Variants in SVOP observed in about 807,000 individuals in gnomAD.
SVOP encodes SV2 related protein.
A neutral mutation model predicts 69.1 loss-of-function variants in SVOP; 17 were observed. That is an observed-to-expected ratio of 0.25 (90% confidence interval 0.17 to 0.37). The LOEUF (loss-of-function observed/expected upper bound fraction) is 0.37, where lower values mean the gene tolerates loss of function less well. Ranked by LOEUF, SVOP falls within the 10% of genes least tolerant of loss-of-function variation. The pLI, the probability that SVOP is intolerant of heterozygous loss-of-function variation, is 1.00. For synonymous variants in SVOP, 238 were observed against 238.6 expected (o/e 1.00, Z 0.02); for missense variants, 435 against 597.5 (o/e 0.73, Z 2.84).
intron 1 of SVOP, among the ~76,000 whole-genome samples, chr12:109,006,311 C>T (rs180697623): frequency 6.6e-6 from 1 of 152,266 alleles, no homozygotes; most frequent in African/African-American, 2.4e-5. Flanking sequence ...CCTGGGCCTC[C>T]CAAAGTGCTG....
chr12:109,004,668 C>A (rs1352060038), intron 1 of SVOP, among the ~76,000 whole-genome samples: 1 of 151,714 alleles, frequency 6.6e-6, no homozygotes, highest in East Asian at 1.9e-4. Context: ...GTTGGGATTA[C>A]AGGTGTTAGC....
chr12:108,918,223 CA>C lies in SVOP; in HGVS notation c.1269-100del. 6.8e-6 allele frequency: 6 copies of C among 878,344 alleles called. No individual in the cohort carries two copies. In the South Asian group the frequency reaches 1.2e-4, roughly 17 times the overall value. The allele number at this position is 878,344 out of a possible 1,614,324, so 54.4% of individuals were successfully genotyped here. A position where few individuals can be genotyped will look rare whatever the true frequency, so the allele number is the denominator to read the frequency against. The stretch of plus-strand genomic sequence containing the variant: ...GCAGTATCAATGCCCTAGCAATTGG[CA>C]AAGGTTACCCCTCCCCGATGCTCAT... On this transcript the variant is annotated intron_variant, in intron 13 of 15. Transcript: ENST00000610966.
chr12:108,996,833 A>G (rs2040235360), intron 1 of SVOP, among the ~76,000 whole-genome samples: 1 of 151,808 alleles, frequency 6.6e-6, no homozygotes, highest in African/African-American at 2.4e-5. Context: ...TCAGGAGGCT[A>G]AAGTGGGAGA....
chr12:108,940,850 G>T lies in SVOP; in HGVS notation c.702C>A (p.Ser234Arg), dbSNP rs377486550. ...GGATGAGCAGCCAACGCCAGCCCAG[G>T]CTGGGCATCACGAACACAGCCAGGA... ...EVVLAVFVMP[S>R]LGWRWLLILS... Residue 234 changes from serine (S) to arginine (R), a missense_variant, in exon 8 of 16, where the codon AGC (serine) becomes AGA (arginine). Coordinates refer to ENST00000610966, the MANE Select transcript of SVOP (RefSeq NM_018711.5). 6.5e-7 allele frequency: 1 copy of T among 1,537,214 alleles called. No homozygotes were observed. Among genetic ancestry groups the T allele is most frequent in the South Asian group, 1.2e-5 (1 of 84,056 alleles).
At chr12:108,952,230 CTTT>C (rs36191772) in intron 6 of SVOP, among the ~76,000 whole-genome samples, 31 of 98,390 alleles carry the variant, frequency 3.2e-4, no homozygotes, top group African/African-American at 8.5e-4. Flanking sequence ...TTTCTTTTCT[CTTT>C]TTTTTTTTTT....
chr12:108,976,498 A>C (rs1472302606), intron 4 of SVOP, among the ~76,000 whole-genome samples: 1 of 152,058 alleles, frequency 6.6e-6, no homozygotes, highest in Non-Finnish European at 1.5e-5. Flanking sequence ...TTGTGCATAT[A>C]TTGTATGCAA....
intron 1 of SVOP, among the ~76,000 whole-genome samples, chr12:108,989,789 T>C (rs1351902496): frequency 1.3e-5 from 2 of 152,214 alleles, no homozygotes; most frequent in African/African-American, 4.8e-5. Flanking sequence ...ATTATACAAA[T>C]TAATTGTAAA....
At chr12:108,924,996 A>C (rs2039771553) in intron 11 of SVOP, among the ~76,000 whole-genome samples, 1 of 151,930 alleles carries the variant, frequency 6.6e-6, no homozygotes, top group African/African-American at 2.4e-5. Context: ...TGCTGACCTC[A>C]AGTTTTTGAA....
At chr12:108,948,472 T>C (rs2039936800) in intron 6 of SVOP, among the ~76,000 whole-genome samples, 3 of 152,340 alleles carry the variant, frequency 2.0e-5, no homozygotes, top group Non-Finnish European at 4.4e-5. Context: ...AACAGAGAAG[T>C]TGTTACTTGA....
At chr12:108,980,776 T>C (rs1324006244) in intron 2 of SVOP, among the ~76,000 whole-genome samples, 1 of 128,954 alleles carries the variant, frequency 7.8e-6, no homozygotes, top group Non-Finnish European at 1.6e-5. Flanking sequence ...AAAAAAAAAA[T>C]TAGCCAGGTG....
At position 108,941,193 on chromosome 12, in the gene SVOP, G is replaced by A. The variant is rs191235732; in HGVS notation, c.643-284C>T. Among the ~76,000 whole-genome samples the A allele has an allele frequency of 5.0e-4, 76 of 152,216 alleles. 1 individual carries two copies. The highest frequency in any genetic ancestry group is 1.9e-3 in the East Asian group (10 of 5,176). ...AGGAGATCAATGTGACCAATATTAC[G>A]TGATGTCAAATTGGTAGTGAACACA... On this transcript the variant is annotated intron_variant, in intron 7 of 15. Coordinates refer to ENST00000610966, the MANE Select transcript of SVOP (RefSeq NM_018711.5).
rs2039756272 is a variant in SVOP, at chr12:108,922,635, A to G, written c.1156+55T>C. The G allele has an allele frequency of 3.7e-6, 5 of 1,341,568 alleles. No individual in the cohort carries two copies. The Admixed American group carries it at 9.7e-5, about 26-fold the overall frequency. The allele number at this position is 1,341,568 out of a possible 1,614,324, so 83.1% of individuals were successfully genotyped here. A position where few individuals can be genotyped will look rare whatever the true frequency, so the allele number is the denominator to read the frequency against. On this transcript the variant is annotated intron_variant, in intron 12 of 15. Transcript: ENST00000610966. ...GGTAGACAGAGCCACCAGCTGAACA[A>G]TTGCCATATTCCCAGGCTTGCCTGA...
At chr12:108,982,587 T>C (rs1346554420) in intron 2 of SVOP, among the ~76,000 whole-genome samples, 1 of 151,180 alleles carries the variant, frequency 6.6e-6, no homozygotes, top group Non-Finnish European at 1.5e-5. Flanking sequence ...ATTATCATCA[T>C]CACTATCATC....
chr12:108,935,254 T>C (rs891414149), intron 10 of SVOP, among the ~76,000 whole-genome samples: 1 of 152,226 alleles, frequency 6.6e-6, no homozygotes, highest in African/African-American at 2.4e-5. Context: ...GACCCAGAAA[T>C]TAGAATACTC....
chr12:108,922,549 T>C (rs1047210546), intron 12 of SVOP, 141 bp downstream of exon 12: 5 of 651,934 alleles, frequency 7.7e-6, no homozygotes, highest in African/African-American at 7.2e-5. Context: ...TGACAACTTA[T>C]AGTTAAGGAT....
intron 7 of SVOP, among the ~76,000 whole-genome samples, chr12:108,944,127 C>T (rs141680989): frequency 3.9e-5 from 6 of 152,120 alleles, no homozygotes; most frequent in African/African-American, 9.6e-5. Context: ...GTGATCCAAA[C>T]GCCCCGGCCT....
intron 1 of SVOP, among the ~76,000 whole-genome samples, chr12:109,002,031 A>C: frequency 7.3e-6 from 1 of 136,224 alleles, no homozygotes; most frequent in African/African-American, 2.7e-5. Flanking sequence ...CAACCTACAA[A>C]ATGGGAGAAA....
At chr12:108,934,593 G>A (rs144767222) in intron 10 of SVOP, among the ~76,000 whole-genome samples, 52 of 152,302 alleles carry the variant, frequency 3.4e-4, no homozygotes, top group Admixed American at 2.0e-3. Flanking sequence ...AGATGGTTAC[G>A]CATTTTAAGT....
At chr12:109,010,335 TCACATGCAAATC>T (rs2040335106) in intron 1 of SVOP, among the ~76,000 whole-genome samples, 1 of 151,926 alleles carries the variant, frequency 6.6e-6, no homozygotes. Context: ...ACATAATCAT[TCACATGCAAATC>T]TGCATAATTC....
Sources: allele counts gnomAD v4.1 joint callset (sites outside exome capture counted in the v4.1 genomes callset), GRCh38; gene constraint gnomAD v4.1.1; transcripts MANE v1.5; gene names NCBI Gene and HGNC (gene_info 2026-07-23, HGNC 2026-07-21).